Variants in PRR16 observed in about 807,000 individuals in gnomAD.
PRR16 encodes the protein protein Largen.
Under a neutral mutation model 18.2 loss-of-function variants are expected in PRR16, and 6 were observed. The ratio of observed to expected loss-of-function variants is 0.33; its 90% CI spans 0.18 to 0.65. PRR16 has a LOEUF of 0.65. Among genes scored for constraint, PRR16 ranks in the 30% least tolerant of loss-of-function variants. The pLI is 0.74. For synonymous variants in PRR16, 151 were observed against 147.8 expected, an observed-to-expected ratio of 1.02 and a Z score of -0.16; for missense variants, 412 against 376.6, an observed-to-expected ratio of 1.09 and a Z score of -0.78.
the PRR16 span, among the ~76,000 whole-genome samples, chr5:120,712,138 T>C: frequency 2.0e-5 from 3 of 152,210 alleles, no homozygotes; most frequent in African/African-American, 2.4e-5. Flanking sequence ...TTGGTATACG[T>C]ATACATAGTG....
intron 1 of PRR16, among the ~76,000 whole-genome samples, chr5:120,625,503 A>G (rs979627770): frequency 3.3e-5 from 5 of 152,108 alleles, no homozygotes; most frequent in Admixed American, 3.3e-4. Flanking sequence ...ATGCCCAGCT[A>G]ATCTTTCAAT....
intron 1 of PRR16, among the ~76,000 whole-genome samples, chr5:120,509,419 C>T (rs894134912): frequency 5.3e-5 from 8 of 152,128 alleles, no homozygotes; most frequent in East Asian, 3.9e-4. Flanking sequence ...TGAGATGGTT[C>T]GCTTGGGTAT....
intron 1 of PRR16, among the ~76,000 whole-genome samples, chr5:120,543,279 G>T (rs1372506288): frequency 6.6e-6 from 1 of 152,122 alleles, no homozygotes; most frequent in Non-Finnish European, 1.5e-5. Context: ...AGGTGTTTAA[G>T]AATTATATGT....
chr5:120,608,947 T>G (rs1754244412), intron 1 of PRR16, among the ~76,000 whole-genome samples: 1 of 152,284 alleles, frequency 6.6e-6, no homozygotes, highest in South Asian at 2.1e-4. Context: ...CCAAAGAGGG[T>G]TTCTCCTGAT....
At chr5:120,490,649 A>C (rs996531695) in intron 1 of PRR16, among the ~76,000 whole-genome samples, 2 of 152,134 alleles carry the variant, frequency 1.3e-5, no homozygotes, top group Non-Finnish European at 2.9e-5. Flanking sequence ...TCTTCTCTCA[A>C]CCTGTCAAAG....
chr5:120,632,920 A>T (rs989449498), intron 1 of PRR16, among the ~76,000 whole-genome samples: 1 of 152,224 alleles, frequency 6.6e-6, no homozygotes, highest in Non-Finnish European at 1.5e-5. Flanking sequence ...TCACCTAGGC[A>T]TATAGTCATC....
At chr5:120,749,373 C>A in the PRR16 span, among the ~76,000 whole-genome samples, 1 of 152,050 alleles carries the variant, frequency 6.6e-6, no homozygotes, top group African/African-American at 2.4e-5. Context: ...AATTATGTCA[C>A]ATAAATTATT....
chr5:120,651,876 G>A (rs562621498), intron 1 of PRR16, among the ~76,000 whole-genome samples: 67 of 152,088 alleles, frequency 4.4e-4, no homozygotes, highest in African/African-American at 1.6e-3. Flanking sequence ...AAAGTCATTG[G>A]TAGCTTGATG....
chr5:120,781,101 C>G, the PRR16 span: 3 of 152,022 alleles, frequency 2.0e-5, no homozygotes, highest in Non-Finnish European at 4.4e-5. Flanking sequence ...ATTATGTTAA[C>G]ATTTATTTCA....
At chr5:120,738,795 T>C in the PRR16 span, among the ~76,000 whole-genome samples, 1,770 of 152,244 alleles carry the variant, frequency 0.012, 32 homozygotes, top group African/African-American at 0.039. Flanking sequence ...TTTTAGCAGA[T>C]AGCTCCATAC....
At chr5:120,540,192 T>C (rs1409176524) in intron 1 of PRR16, among the ~76,000 whole-genome samples, 1 of 152,176 alleles carries the variant, frequency 6.6e-6, no homozygotes, top group Non-Finnish European at 1.5e-5. Context: ...ACACATTCCA[T>C]TTTTTTGTTC....
intron 1 of PRR16, among the ~76,000 whole-genome samples, chr5:120,628,680 T>TTCTACC (rs1754950413): frequency 6.9e-6 from 1 of 145,398 alleles, no homozygotes; most frequent in African/African-American, 2.5e-5. Context: ...TCTATCTATC[T>TTCTACC]ATCTATCATT....
intron 1 of PRR16, among the ~76,000 whole-genome samples, chr5:120,494,430 C>G (rs576387537): frequency 5.9e-5 from 9 of 152,074 alleles, no homozygotes; most frequent in East Asian, 3.9e-4. Flanking sequence ...CTTGCCTTGT[C>G]TGTTATGTCT....
At chr5:120,487,104 G>A (rs1199263394) in intron 1 of PRR16, among the ~76,000 whole-genome samples, 1 of 152,100 alleles carries the variant, frequency 6.6e-6, no homozygotes, top group African/African-American at 2.4e-5. Flanking sequence ...TTGTTCTTTT[G>A]GCTTAGGATT....
intron 1 of PRR16, among the ~76,000 whole-genome samples, chr5:120,581,601 T>A (rs1332399660): frequency 6.6e-6 from 1 of 152,302 alleles, no homozygotes; most frequent in South Asian, 2.1e-4. Flanking sequence ...GCTCTTTTAA[T>A]TGTGATGCTA....
At position 120,586,211 on chromosome 5, in the gene PRR16, A is replaced by C. The variant is rs76091629; in HGVS notation, c.160-99743A>C. On this transcript the variant is annotated intron_variant, in intron 1 of 1. Coordinates refer to ENST00000407149, the MANE Select transcript of PRR16 (RefSeq NM_001300783.2). ...ATGTTTTTGATTGATGAACACAACA[A>C]CATCTTAATTGTTAAATGGAATATG... Among the ~76,000 whole-genome samples, 10 of 152,226 alleles carry C rather than the reference A, an allele frequency of 6.6e-5. No homozygotes were observed. In the East Asian group the frequency reaches 1.9e-3, roughly 29 times the overall value.
chr5:120,691,422 A>AT (rs1312352244), downstream of PRR16, among the ~76,000 whole-genome samples: 3 of 152,094 alleles, frequency 2.0e-5, no homozygotes, highest in African/African-American at 7.2e-5. Flanking sequence ...TGAAAGCTTC[A>AT]TTTTCTCATG....
chr5:120,793,045 G>A, the PRR16 span, among the ~76,000 whole-genome samples: 4 of 150,006 alleles, frequency 2.7e-5, no homozygotes, highest in African/African-American at 9.7e-5. Context: ...CCAGCTACTT[G>A]GTTAGCTGAG....
At chr5:120,775,794 C>CTTTTTTTTTTTTTTTT in the PRR16 span, among the ~76,000 whole-genome samples, 2 of 122,570 alleles carry the variant, frequency 1.6e-5, no homozygotes, top group African/African-American at 3.4e-5. Flanking sequence ...CTACGCCTGG[C>CTTTTTTTTTTTTTTTT]TATTTTTTTT....
Sources: gnomAD v4.1 joint callset for allele counts (sites outside exome capture counted in the v4.1 genomes callset) on GRCh38, gnomAD v4.1.1 for gene constraint, MANE v1.5 for transcripts, NCBI Gene and HGNC (gene_info 2026-07-23, HGNC 2026-07-21) for gene names.